TJP1: variants seen among roughly 807,000 people sequenced by gnomAD.
The protein encoded by TJP1 is tight junction protein ZO-1.
In TJP1, 43 loss-of-function variants were observed where a neutral mutation model predicts 194.2. That is an observed-to-expected ratio of 0.22 (90% CI 0.17 to 0.29). The LOEUF (loss-of-function observed/expected upper bound fraction) is 0.29. Ranked by LOEUF, TJP1 falls within the 10% of genes least tolerant of loss-of-function variation. TJP1 has a pLI of 1.00. For synonymous variants in TJP1, 801 were observed against 779.0 expected, an observed-to-expected ratio of 1.03 and a Z score of -0.47; for missense variants, 1,971 against 2,185.7, an observed-to-expected ratio of 0.90 and a Z score of 1.96.
chr15:29,785,674 A>AG (rs1163464614), intron 2 of TJP1, among the ~76,000 whole-genome samples: 47 of 152,242 alleles, frequency 3.1e-4, no homozygotes, highest in Middle Eastern at 6.8e-3. Flanking sequence ...GCTAATTATA[A>AG]CTTTCCTCAC....
chr15:29,914,513 A>G (rs1000113711), intron 2 of TJP1, among the ~76,000 whole-genome samples: 5 of 152,100 alleles, frequency 3.3e-5, no homozygotes, highest in Non-Finnish European at 5.9e-5. Context: ...CAAAGATGTG[A>G]GGGGCTCTCA....
intron 8 of TJP1, among the ~76,000 whole-genome samples, chr15:29,747,140 T>C (rs1263609661): frequency 1.3e-5 from 2 of 151,996 alleles, no homozygotes; most frequent in East Asian, 1.9e-4. Context: ...CAAAAATTAG[T>C]TGGGTGTGGT....
chr15:29,722,622 C>T (rs753898639), intron 18 of TJP1, among the ~76,000 whole-genome samples: 1 of 152,168 alleles, frequency 6.6e-6, no homozygotes, highest in Non-Finnish European at 1.5e-5. Context: ...GAGCCCCCCA[C>T]CAGACAGTCC....
At chr15:29,772,305 A>G (rs2046742110) in intron 3 of TJP1, 139 bp from the exon 4 acceptor site, 6 of 557,118 alleles carry the variant, frequency 1.1e-5, no homozygotes, top group Non-Finnish European at 1.5e-5. Context: ...ATCAATGATA[A>G]AATAATGTCA....
Position 29,773,418 on chromosome 15 carries a change from C to G in TJP1, c.85-61G>C, listed in dbSNP as rs560071046. On this transcript the variant is annotated intron_variant, in intron 2 of 27. Coordinates refer to ENST00000614355, the MANE Select transcript of TJP1 (RefSeq NM_001330239.4). ...GGACAAAAATAATTGTTATATCATA[C>G]TCTACAATCTAGAGAAGCCAAAATA... 82 of 1,538,936 alleles carry G rather than the reference C, an allele frequency of 5.3e-5. No individual in the cohort carries two copies. In the African/African-American group the frequency reaches 1.1e-3, roughly 21 times the overall value.
At chr15:29,723,883 T>G (rs1174721380) in intron 18 of TJP1, among the ~76,000 whole-genome samples, 1 of 152,188 alleles carries the variant, frequency 6.6e-6, no homozygotes, top group Non-Finnish European at 1.5e-5. Context: ...AACGTGACAC[T>G]AGTACCTGGA....
rs759380576 is a variant in TJP1 at position 29,766,506 on chromosome 15, T to C, written c.349A>G (p.Ser117Gly). The C allele has an allele frequency of 6.3e-7, 1 of 1,586,732 alleles. No individual in the cohort carries two copies. The highest frequency in any genetic ancestry group is 8.6e-7 in the Non-Finnish European group (1 of 1,166,818). Residue 117 changes from serine (S) to glycine (G), a missense_variant, in exon 5 of 28, where the codon AGT becomes GGT. This residue lies in a region of TJP1 where 245 missense variants were observed against 336.6 expected (regional missense o/e 0.73). Transcript: ENST00000614355. Reference sequence around the variant, plus strand: ...GATACTGGTTCAGGATCAGGACGACTTACTGGTATTTGAACTTTCTTCTTC... The same window carrying C: ...GATACTGGTTCAGGATCAGGACGACCTACTGGTATTTGAACTTTCTTCTTC... ...RRKKKVQIPV[S>G]RPDPEPVSDN...
At chr15:29,901,735 C>T (rs1458430526) in intron 2 of TJP1, among the ~76,000 whole-genome samples, 10 of 151,450 alleles carry the variant, frequency 6.6e-5, no homozygotes, top group African/African-American at 1.7e-4. Flanking sequence ...GCAGGAGAAT[C>T]GCTTGAACCT....
chr15:29,897,008 A>G (rs2053497152), intron 2 of TJP1, among the ~76,000 whole-genome samples: 1 of 152,226 alleles, frequency 6.6e-6, no homozygotes, highest in Non-Finnish European at 1.5e-5. Context: ...GAAGAAATTC[A>G]AGCCAGCTGC....
At chr15:29,735,191 T>C (rs966055344) in intron 11 of TJP1, among the ~76,000 whole-genome samples, 15 of 151,832 alleles carry the variant, frequency 9.9e-5, no homozygotes, top group Admixed American at 7.2e-4. Context: ...TTTCCACCTT[T>C]TGGAAATTTT....
chr15:29,920,387 CAG>C (rs2054319115), intron 2 of TJP1, among the ~76,000 whole-genome samples: 1 of 152,144 alleles, frequency 6.6e-6, no homozygotes. Context: ...ACCCATGGGT[CAG>C]AGACAGGCAC....
intron 2 of TJP1, among the ~76,000 whole-genome samples, chr15:29,949,256 T>G (rs200286484): frequency 2.4e-5 from 1 of 41,310 alleles, no homozygotes; most frequent in East Asian, 1.0e-3. Flanking sequence ...CACCACCACC[T>G]CCACCACCAC....
chr15:29,826,741 G>A (rs557002332), upstream of TJP1, among the ~76,000 whole-genome samples: 1 of 152,244 alleles, frequency 6.6e-6, no homozygotes, highest in East Asian at 1.9e-4. Flanking sequence ...AACACAGTCA[G>A]GGCTCCCCAG....
intron 2 of TJP1, among the ~76,000 whole-genome samples, chr15:29,936,516 A>AC (rs990896213): frequency 1.3e-5 from 2 of 152,086 alleles, no homozygotes; most frequent in Non-Finnish European, 2.9e-5. Flanking sequence ...CTACAGGGCC[A>AC]CCCGCCGGCT....
rs113332974 is a variant in TJP1, at chr15:29,941,213, C to T, written c.306+15019G>A. Reference sequence around the variant, plus strand: ...TTCCCCACCTGCTTGAGGCCACACACATCTCCGTGGACCACTCCTCCCTTC... The same window carrying T: ...TTCCCCACCTGCTTGAGGCCACACATATCTCCGTGGACCACTCCTCCCTTC... On this transcript the variant is annotated intron_variant, in intron 2 of 28. Coordinates refer to the TJP1 transcript ENST00000356107. Among the ~76,000 whole-genome samples the T allele has an allele frequency of 2.4e-3, 359 of 152,286 alleles. 2 individuals are homozygous for T. The highest frequency in any genetic ancestry group is 0.01 in the Middle Eastern group (3 of 294).
rs199900091 is a variant in TJP1, at chr15:29,718,599, T to C, written c.3543A>G (p.Ala1181=). 303 of 1,614,198 alleles carry C rather than the reference T, an allele frequency of 1.9e-4. No homozygotes were observed. The highest frequency in any genetic ancestry group is 1.5e-3 in the Middle Eastern group (9 of 6,062). The part of the protein sequence containing the change: ...LRPEAQPHPS[A]GPKPAESKQY... Reference sequence around the variant, plus strand: ...GCTTGGACTCTGCAGGCTTGGGCCCTGCTGAAGGGTGGGGCTGGGCTTCCG... The same window carrying C: ...GCTTGGACTCTGCAGGCTTGGGCCCCGCTGAAGGGTGGGGCTGGGCTTCCG... Residue 1181 remains alanine, a synonymous_variant, in exon 21 of 28, where the codon GCA becomes GCG. Coordinates refer to ENST00000614355, the MANE Select transcript of TJP1 (RefSeq NM_001330239.4).
Position 29,765,094 on chromosome 15 carries a change from A to C in TJP1, c.589+1172T>G, listed in dbSNP as rs554917402. On this transcript the variant is annotated intron_variant, in intron 5 of 27. Coordinates refer to ENST00000614355, the MANE Select transcript of TJP1 (RefSeq NM_001330239.4). Reference sequence around the variant, plus strand: ...CAGAAAGATACAGTACTACCAAAGAAGACATTATTTTTGAAAATAAGGAGT... The same window carrying C: ...CAGAAAGATACAGTACTACCAAAGACGACATTATTTTTGAAAATAAGGAGT... 7.2e-5 allele frequency among the ~76,000 whole-genome samples: 11 copies of C among 152,330 alleles called. No individual in the cohort carries two copies. The South Asian group carries it at 1.2e-3, about 17-fold the overall frequency.
intron 8 of TJP1, among the ~76,000 whole-genome samples, chr15:29,752,455 T>C (rs1566956586): frequency 6.6e-6 from 1 of 152,160 alleles, no homozygotes; most frequent in Non-Finnish European, 1.5e-5. Context: ...CCTGCCTTTC[T>C]GCTATTTGAT....
chr15:29,798,957 T>C (rs1567050529), intron 2 of TJP1, among the ~76,000 whole-genome samples: 2 of 152,184 alleles, frequency 1.3e-5, no homozygotes, highest in Non-Finnish European at 2.9e-5. Flanking sequence ...AAGGCAAGAA[T>C]GTACAAAAAG....
Sources: gnomAD v4.1 joint callset for allele counts (sites outside exome capture counted in the v4.1 genomes callset) on GRCh38, gnomAD v4.1.1 for gene constraint, gnomAD v4.1.1 regional missense constraint, MANE v1.5 for transcripts, NCBI Gene and HGNC (gene_info 2026-07-23, HGNC 2026-07-21) for gene names.